Variants in INPP4B observed in about 807,000 individuals in gnomAD.
The protein encoded by INPP4B is inositol polyphosphate 4-phosphatase type II.
A neutral mutation model predicts 122.5 loss-of-function variants in INPP4B; 55 were observed. The ratio of observed to expected loss-of-function variants is 0.45; its 90% CI spans 0.36 to 0.56. The LOEUF (loss-of-function observed/expected upper bound fraction) is 0.56. Among genes scored for constraint, INPP4B ranks in the 20% least tolerant of loss-of-function variants. The pLI is 0.00. For missense variants in INPP4B, 1,000 were observed against 1,097.7 expected (o/e 0.91, Z 1.26); for synonymous variants, 403 against 388.7 (o/e 1.04, Z -0.43).
chr4:142,037,234 G>A (rs1744540760), intron 25 of INPP4B, among the ~76,000 whole-genome samples: 1 of 152,240 alleles, frequency 6.6e-6, no homozygotes, highest in East Asian at 1.9e-4. Context: ...TAAAAGACAT[G>A]TCTCACTTTT....
At chr4:142,801,263 T>C (rs1466336820) in intron 1 of INPP4B, among the ~76,000 whole-genome samples, 3 of 152,140 alleles carry the variant, frequency 2.0e-5, no homozygotes, top group African/African-American at 7.2e-5. Flanking sequence ...TGGACTAAAT[T>C]ATCCTCCCAT....
intron 2 of INPP4B, among the ~76,000 whole-genome samples, chr4:142,613,497 A>G (rs1158757205): frequency 7.2e-5 from 11 of 152,166 alleles, no homozygotes. Context: ...ACATACACTG[A>G]TTATACTGCA....
At chr4:142,673,979 C>T (rs1757359439) in intron 2 of INPP4B, among the ~76,000 whole-genome samples, 1 of 152,104 alleles carries the variant, frequency 6.6e-6, no homozygotes, top group Admixed American at 6.6e-5. Context: ...ATAGATGCAT[C>T]CTTCTCTTGG....
intron 7 of INPP4B, among the ~76,000 whole-genome samples, chr4:142,395,758 G>A (rs1032464632): frequency 1.3e-5 from 2 of 152,178 alleles, no homozygotes; most frequent in Non-Finnish European, 2.9e-5. Context: ...GTGCCTGGAT[G>A]AAACTTGAAG....
intron 7 of INPP4B, among the ~76,000 whole-genome samples, chr4:142,371,554 T>A (rs934495462): frequency 6.6e-6 from 1 of 151,906 alleles, no homozygotes; most frequent in Non-Finnish European, 1.5e-5. Context: ...CCAGAATATA[T>A]AAGGAGCTCA....
intron 2 of INPP4B, among the ~76,000 whole-genome samples, chr4:142,709,963 T>G (rs1762911889): frequency 6.6e-6 from 1 of 152,168 alleles, no homozygotes; most frequent in Non-Finnish European, 1.5e-5. Context: ...TTTTCTGACT[T>G]TCAAAAAATA....
chr4:142,039,122 C>T (rs1205071436), intron 25 of INPP4B, among the ~76,000 whole-genome samples: 1 of 152,086 alleles, frequency 6.6e-6, no homozygotes, highest in African/African-American at 2.4e-5. Flanking sequence ...CTTTACTTTC[C>T]TGTGATTCTT....
intron 25 of INPP4B, among the ~76,000 whole-genome samples, chr4:142,059,536 A>C (rs1369113651): frequency 6.6e-6 from 1 of 152,184 alleles, no homozygotes; most frequent in Non-Finnish European, 1.5e-5. Context: ...TTCAATGCAA[A>C]GCACTGTGCT....
intron 2 of INPP4B, among the ~76,000 whole-genome samples, chr4:142,473,967 C>T (rs867294922): frequency 2.0e-5 from 3 of 151,630 alleles, no homozygotes; most frequent in African/African-American, 7.3e-5. Flanking sequence ...TGGTCTAGTG[C>T]TCCTGCTTCT....
chr4:142,734,627 G>C (rs1209649919), intron 1 of INPP4B, among the ~76,000 whole-genome samples: 1 of 151,626 alleles, frequency 6.6e-6, no homozygotes, highest in Middle Eastern at 3.2e-3. Flanking sequence ...TAAAAAATGG[G>C]CACTATTAGA....
chr4:142,411,641 C>T (rs905514699), intron 5 of INPP4B, among the ~76,000 whole-genome samples: 13 of 152,154 alleles, frequency 8.5e-5, no homozygotes, highest in South Asian at 4.1e-4. Context: ...CCTGTAATCC[C>T]AGCACTTTGG....
chr4:142,519,423 C>A (rs532309793), intron 2 of INPP4B, among the ~76,000 whole-genome samples: 1 of 152,012 alleles, frequency 6.6e-6, no homozygotes, highest in South Asian at 2.1e-4. Context: ...AATTTTATTA[C>A]CCAGGTGGTT....
chr4:142,411,440 C>A (rs1804568546), intron 5 of INPP4B, among the ~76,000 whole-genome samples: 1 of 152,158 alleles, frequency 6.6e-6, no homozygotes, highest in Admixed American at 6.5e-5. Flanking sequence ...CCAATATAGT[C>A]TGATAGAAGC....
At chr4:142,529,048 T>C (rs1449349448) in intron 2 of INPP4B, among the ~76,000 whole-genome samples, 1 of 152,102 alleles carries the variant, frequency 6.6e-6, no homozygotes, top group Non-Finnish European at 1.5e-5. Context: ...TATTAAAGAA[T>C]GTGGGTTTTC....
intron 2 of INPP4B, among the ~76,000 whole-genome samples, chr4:142,570,417 T>C (rs1384393235): frequency 1.3e-5 from 2 of 152,026 alleles, no homozygotes; most frequent in Non-Finnish European, 2.9e-5. Context: ...GTAATAGGGG[T>C]AACATTTCTT....
intron 12 of INPP4B, among the ~76,000 whole-genome samples, chr4:142,230,923 T>G (rs1383988005): frequency 2.0e-5 from 3 of 152,164 alleles, no homozygotes; most frequent in African/African-American, 7.2e-5. Context: ...CCTTGTGAAT[T>G]TTTTTGGAAC....
chr4:142,587,369 C>T (rs1016707431), intron 2 of INPP4B, among the ~76,000 whole-genome samples: 1 of 151,748 alleles, frequency 6.6e-6, no homozygotes, highest in Non-Finnish European at 1.5e-5. Context: ...TAAAATTGTG[C>T]TGAAAAAGAA....
At chr4:142,174,135 A>C (rs77536288) in intron 15 of INPP4B, among the ~76,000 whole-genome samples, 4,307 of 152,170 alleles carry the variant, frequency 0.028, 189 homozygotes, top group African/African-American at 0.098. Flanking sequence ...ATTCAAAACA[A>C]ATTAGTATTA....
intron 9 of INPP4B, among the ~76,000 whole-genome samples, chr4:142,279,383 A>G (rs1032086093): frequency 6.6e-6 from 1 of 151,960 alleles, no homozygotes; most frequent in Non-Finnish European, 1.5e-5. Context: ...TTTAAGATAC[A>G]TTGTAAATCT....
Sources: gnomAD v4.1 joint callset for allele counts (sites outside exome capture counted in the v4.1 genomes callset) on GRCh38, gnomAD v4.1.1 for gene constraint, MANE v1.5 for transcripts, NCBI Gene and HGNC (gene_info 2026-07-23, HGNC 2026-07-21) for gene names.